The following FMN1 variants were observed in gnomAD, a reference collection of about 807,000 sequenced individuals.
FMN1 encodes formin-1.
FMN1 carries 110 observed loss-of-function variants against 132.4 expected under a neutral mutation model. The observed-to-expected ratio is 0.83, with a 90% CI of 0.71 to 0.97. FMN1 has a LOEUF of 0.97. FMN1 is among the 50% of genes least tolerant of loss of function. The pLI is 0.00. For missense variants in FMN1, 1,792 were observed against 1,705.3 expected (o/e 1.05, Z -0.90); for synonymous variants, 722 against 651.7 (o/e 1.11, Z -1.64).
chr15:33,058,727 A>G (rs187967929), intron 6 of FMN1, among the ~76,000 whole-genome samples: 2 of 152,316 alleles, frequency 1.3e-5, no homozygotes, highest in African/African-American at 4.8e-5. Context: ...AGGTCCACTC[A>G]CTTCAGATCC....
At chr15:33,011,001 T>C (rs1596464984) in intron 6 of FMN1, among the ~76,000 whole-genome samples, 1 of 23,758 alleles carries the variant, frequency 4.2e-5, no homozygotes, top group East Asian at 4.8e-3. Context: ...AACTGATTCC[T>C]TCAAAATTTG....
At chr15:33,086,981 G>A (rs1216257610) in intron 5 of FMN1, among the ~76,000 whole-genome samples, 4 of 152,196 alleles carry the variant, frequency 2.6e-5, no homozygotes, top group Non-Finnish European at 5.9e-5. Context: ...TCAAAAACAT[G>A]GTTCCAGGTC....
chr15:32,981,880 C>T (rs1170812244), intron 7 of FMN1, among the ~76,000 whole-genome samples: 1 of 152,008 alleles, frequency 6.6e-6, no homozygotes. Context: ...CAGCATGATC[C>T]ATTTAAAAAC....
At chr15:32,782,225 C>T (rs1567157601) in intron 19 of FMN1, among the ~76,000 whole-genome samples, 2 of 152,152 alleles carry the variant, frequency 1.3e-5, no homozygotes, top group Non-Finnish European at 2.9e-5. Context: ...TATTTGGGAC[C>T]TCTCCTTGTT....
chr15:33,128,497 C>G (rs932941770), intron 4 of FMN1, among the ~76,000 whole-genome samples: 1 of 152,308 alleles, frequency 6.6e-6, no homozygotes, highest in African/African-American at 2.4e-5. Flanking sequence ...TGCAAGTTCT[C>G]AGAGTCATTA....
At chr15:33,122,601 C>A (rs1210198354) in intron 4 of FMN1, among the ~76,000 whole-genome samples, 1 of 152,314 alleles carries the variant, frequency 6.6e-6, no homozygotes, top group East Asian at 1.9e-4. Context: ...CTAGCTAATG[C>A]AGCAGTAATA....
intron 4 of FMN1, among the ~76,000 whole-genome samples, chr15:33,136,671 A>G (rs1173242627): frequency 6.6e-6 from 1 of 152,200 alleles, no homozygotes; most frequent in South Asian, 2.1e-4. Context: ...CCTAAAAACA[A>G]TGTTTTCTCT....
chr15:32,960,851 C>T (rs139837573), intron 9 of FMN1, among the ~76,000 whole-genome samples: 2,089 of 151,628 alleles, frequency 0.014, 50 homozygotes, highest in African/African-American at 0.048. Context: ...CAAAATTAGC[C>T]GGGCATGGTG....
intron 5 of FMN1, among the ~76,000 whole-genome samples, chr15:33,082,156 C>A (rs1410495604): frequency 6.7e-6 from 1 of 149,702 alleles, no homozygotes; most frequent in Non-Finnish European, 1.5e-5. Context: ...GCTCTGTCAC[C>A]TCTGCCTCCC....
intron 17 of FMN1, among the ~76,000 whole-genome samples, chr15:32,826,895 A>C (rs1373794432): frequency 1.3e-5 from 2 of 150,392 alleles, no homozygotes; most frequent in Admixed American, 6.6e-5. Flanking sequence ...CTACTTTCTA[A>C]ATAAACAAGC....
intron 19 of FMN1, among the ~76,000 whole-genome samples, chr15:32,792,058 G>A (rs2057100017): frequency 6.6e-6 from 1 of 152,058 alleles, no homozygotes. Context: ...AGGAACAGAA[G>A]AAACAGAGGA....
intron 10 of FMN1, among the ~76,000 whole-genome samples, chr15:32,918,201 T>C (rs2060730934): frequency 6.6e-6 from 1 of 152,024 alleles, no homozygotes; most frequent in Non-Finnish European, 1.5e-5. Flanking sequence ...TTCTTGAGTA[T>C]ATAACAATAA....
At chr15:33,145,059 C>T (rs1964162615) in intron 4 of FMN1, among the ~76,000 whole-genome samples, 2 of 152,152 alleles carry the variant, frequency 1.3e-5, no homozygotes, top group Non-Finnish European at 2.9e-5. Flanking sequence ...TTCACTGACT[C>T]TACCGATTTT....
Position 32,968,924 on chromosome 15 carries a change from G to T in FMN1, c.2777C>A (p.Pro926His), listed in dbSNP as rs1418686469. ...AGGGGAGTTAGGAAGTGGGGGTGGG[G>T]GTGGGGGTGGTGGAGGTCCAGCACT... is the stretch of plus-strand genomic sequence containing the variant. ...PSSAGPPPPPPPPPLPNSPAP... is the reference protein window; with the variant it reads ...PSSAGPPPPPHPPPLPNSPAP... The change falls in exon 8 of 21, where the codon CCC becomes CAC. Residue 926 changes from proline (P) to histidine (H), a missense_variant. Physicochemically the swap from Pro to His is moderately conservative, Grantham distance 77. Transcript: ENST00000616417. 2 of 659,658 alleles carry T rather than the reference G, an allele frequency of 3.0e-6. No individual in the cohort carries two copies. Among genetic ancestry groups the T allele is most frequent in the East Asian group, 3.0e-5 (1 of 32,850 alleles). 40.9% of individuals were successfully genotyped at this position (659,658 alleles called of 1,614,324 possible). A position where few individuals can be genotyped will look rare whatever the true frequency, so the allele number is the denominator to read the frequency against.
chr15:33,129,098 C>T (rs975422607), intron 4 of FMN1, among the ~76,000 whole-genome samples: 7 of 152,192 alleles, frequency 4.6e-5, no homozygotes, highest in Admixed American at 3.9e-4. Flanking sequence ...CAGAAAAGTT[C>T]TCCAAGTCCC....
At chr15:32,876,972 A>G (rs752039397) in intron 16 of FMN1, among the ~76,000 whole-genome samples, 9 of 152,206 alleles carry the variant, frequency 5.9e-5, no homozygotes, top group Non-Finnish European at 1.0e-4. Context: ...CACACTGGAT[A>G]AGCGCTCTGC....
intron 4 of FMN1, among the ~76,000 whole-genome samples, chr15:33,140,133 A>C (rs1173226301): frequency 6.6e-6 from 1 of 151,942 alleles, no homozygotes; most frequent in African/African-American, 2.4e-5. Flanking sequence ...AAGAAAAGCA[A>C]TTAACAACAA....
chr15:32,992,973 C>G (rs1308757287), intron 7 of FMN1, among the ~76,000 whole-genome samples: 2 of 152,110 alleles, frequency 1.3e-5, no homozygotes, highest in Non-Finnish European at 2.9e-5. Flanking sequence ...CATTTCTCGC[C>G]AAGATTGTTC....
Position 33,026,579 on chromosome 15 carries a change from A to G in FMN1, c.2162-18504T>C, listed in dbSNP as rs2035687864. Among the ~76,000 whole-genome samples, 3 of 152,232 alleles carry G rather than the reference A, an allele frequency of 2.0e-5. No individual in the cohort carries two copies. In the South Asian group the frequency reaches 6.2e-4, roughly 31 times the overall value. ...TCATATAATACATATATGATTTTAT[A>G]TCATGATTATATAATGCATATATAA... On this transcript the variant is annotated intron_variant, in intron 6 of 20. Coordinates refer to ENST00000616417, the MANE Select transcript of FMN1 (RefSeq NM_001277313.2).
Sources: allele counts gnomAD v4.1 joint callset (sites outside exome capture counted in the v4.1 genomes callset), GRCh38; gene constraint gnomAD v4.1.1; transcripts MANE v1.5; gene names NCBI Gene and HGNC (gene_info 2026-07-23, HGNC 2026-07-21).